SYN3: variants seen among roughly 807,000 people sequenced by gnomAD.
SYN3 encodes synapsin-3.
In SYN3, 35 loss-of-function variants were observed where a neutral mutation model predicts 65.8. The observed-to-expected ratio is 0.53, with a 90% CI of 0.41 to 0.70. SYN3 has a LOEUF of 0.70. Ranked by LOEUF, SYN3 falls within the 30% of genes least tolerant of loss-of-function variation. SYN3 has a pLI of 0.00. For missense variants in SYN3, 680 were observed against 749.0 expected, an observed-to-expected ratio of 0.91 and a Z score of 1.08; for synonymous variants, 270 against 292.9, an observed-to-expected ratio of 0.92 and a Z score of 0.80.
chr22:32,857,915 C>A, intron 6 of SYN3: 1 of 1,574,462 alleles, frequency 6.4e-7, no homozygotes, highest in South Asian at 1.1e-5. Context: ...AAGTACCCAG[C>A]CACAGTGCCT....
chr22:32,581,299 G>A (rs781284034), intron 7 of SYN3, among the ~76,000 whole-genome samples: 1 of 152,160 alleles, frequency 6.6e-6, no homozygotes, highest in African/African-American at 2.4e-5. Flanking sequence ...TAGCAGAGAC[G>A]GGTTTCGCCA....
intron 6 of SYN3, among the ~76,000 whole-genome samples, chr22:32,717,945 T>A (rs949698391): frequency 2.6e-5 from 4 of 152,144 alleles, no homozygotes; most frequent in African/African-American, 9.7e-5. Context: ...TCCATGTGGG[T>A]TCAACAGGTT....
At chr22:32,775,517 A>G (rs142590002) in intron 6 of SYN3, among the ~76,000 whole-genome samples, 133 of 152,302 alleles carry the variant, frequency 8.7e-4, no homozygotes, top group African/African-American at 3.1e-3. Flanking sequence ...TCTCCTTTGC[A>G]TTGCAGTAGA....
At chr22:32,890,130 G>A (rs2049404929) in intron 4 of SYN3, among the ~76,000 whole-genome samples, 2 of 135,452 alleles carry the variant, frequency 1.5e-5, no homozygotes, top group Admixed American at 8.7e-5. Context: ...CAAAGCTGGA[G>A]TACAGTGGAA....
chr22:32,650,900 T>C lies in SYN3; in HGVS notation c.712-54164A>G, dbSNP rs187720034. Among the ~76,000 whole-genome samples, 264 of 152,346 alleles carry C rather than the reference T, an allele frequency of 1.7e-3. 1 individual carries two copies. The highest frequency in any genetic ancestry group is 2.7e-3 in the Non-Finnish European group (181 of 68,020). ...TATTCTTATGCTGATATGAATTTTA[T>C]TTTATTACCTTATAACAGCTGCTTC... On this transcript the variant is annotated intron_variant, in intron 6 of 13. Transcript: ENST00000358763.
In SYN3 at chr22:32,680,695, T is replaced by C. The variant is rs1041618788; in HGVS notation, c.712-83959A>G. On this transcript the variant is annotated intron_variant, in intron 6 of 13. Transcript: ENST00000358763. ...TCAGAATTTCCTATTTGTTCAGAGT[T>C]GTAAATTTCAGTGCCAAGCTACAAG... Among the ~76,000 whole-genome samples, 5 of 152,358 alleles carry C rather than the reference T, an allele frequency of 3.3e-5. No individual in the cohort carries two copies. In the East Asian group the frequency reaches 9.6e-4, roughly 29 times the overall value.
chr22:32,612,441 A>G (rs1040677468), intron 6 of SYN3, among the ~76,000 whole-genome samples: 3 of 152,330 alleles, frequency 2.0e-5, no homozygotes, highest in African/African-American at 7.2e-5. Context: ...GTTGGTATCC[A>G]CAGAGAACTG....
At chr22:32,717,340 A>C (rs901993188) in intron 6 of SYN3, among the ~76,000 whole-genome samples, 4 of 152,184 alleles carry the variant, frequency 2.6e-5, no homozygotes, top group Admixed American at 1.3e-4. Context: ...TGAAGGCTGG[A>C]AGCCCTCAGT....
chr22:32,689,498 T>C (rs989913355), intron 6 of SYN3, among the ~76,000 whole-genome samples: 11 of 152,148 alleles, frequency 7.2e-5, no homozygotes, highest in African/African-American at 2.7e-4. Context: ...TCTAAAGGAA[T>C]GGGGATACTC....
intron 8 of SYN3, among the ~76,000 whole-genome samples, chr22:32,538,424 A>G (rs2058200033): frequency 6.6e-6 from 1 of 152,114 alleles, no homozygotes; most frequent in South Asian, 2.1e-4. Context: ...GAGGAGAATG[A>G]GGGCAGTGTG....
intron 1 of SYN3, among the ~76,000 whole-genome samples, chr22:33,013,741 C>G (rs1479755394): frequency 1.3e-5 from 2 of 152,124 alleles, no homozygotes; most frequent in Admixed American, 6.5e-5. Flanking sequence ...CCCTCTCCAG[C>G]CTTAGGCAAC....
chr22:32,591,775 G>A (rs1208766774), intron 7 of SYN3, among the ~76,000 whole-genome samples: 1 of 152,164 alleles, frequency 6.6e-6, no homozygotes, highest in Non-Finnish European at 1.5e-5. Context: ...TACATTAAAT[G>A]GAAAATTCCA....
At chr22:33,019,508 A>C (rs765890537) in intron 1 of SYN3, among the ~76,000 whole-genome samples, 1 of 152,238 alleles carries the variant, frequency 6.6e-6, no homozygotes, top group Non-Finnish European at 1.5e-5. Flanking sequence ...ACAGGAATAA[A>C]AAATAACGGC....
chr22:32,736,978 T>C (rs970563717), intron 6 of SYN3, among the ~76,000 whole-genome samples: 4 of 152,078 alleles, frequency 2.6e-5, no homozygotes, highest in Non-Finnish European at 4.4e-5. Context: ...CAGACCTCTC[T>C]GAACATAAAT....
intron 6 of SYN3, chr22:32,849,501 C>A (rs762299337): frequency 3.7e-6 from 6 of 1,613,684 alleles, no homozygotes; most frequent in Non-Finnish European, 3.4e-6. Context: ...AGGGGCCCTT[C>A]GGCACGCTGG....
At chr22:33,039,410 C>T (rs2053921580) in intron 1 of SYN3, among the ~76,000 whole-genome samples, 2 of 147,424 alleles carry the variant, frequency 1.4e-5, no homozygotes, top group Admixed American at 6.8e-5. Context: ...GAGTCTCACT[C>T]TGTTACCCAG....
At chr22:32,630,129 G>A (rs949295514) in intron 6 of SYN3, among the ~76,000 whole-genome samples, 7 of 151,312 alleles carry the variant, frequency 4.6e-5, no homozygotes, top group East Asian at 3.9e-4. Flanking sequence ...GACTACCGGC[G>A]CCCACCACCA....
intron 6 of SYN3, among the ~76,000 whole-genome samples, chr22:32,763,306 C>A (rs777980129): frequency 3.3e-5 from 5 of 152,082 alleles, no homozygotes; most frequent in Non-Finnish European, 5.9e-5. Flanking sequence ...GCCACCACGC[C>A]TGGCTAATTT....
At chr22:32,894,033 G>A (rs2049522257) in intron 4 of SYN3, among the ~76,000 whole-genome samples, 1 of 152,130 alleles carries the variant, frequency 6.6e-6, no homozygotes, top group African/African-American at 2.4e-5. Flanking sequence ...GGTCCAACTG[G>A]ATCGAGTCTT....
Sources: gnomAD v4.1 joint callset for allele counts (sites outside exome capture counted in the v4.1 genomes callset) on GRCh38, gnomAD v4.1.1 for gene constraint, MANE v1.5 for transcripts, NCBI Gene and HGNC (gene_info 2026-07-23, HGNC 2026-07-21) for gene names.